The following SHROOM4 variants were observed in gnomAD, a reference collection of about 807,000 sequenced individuals.
SHROOM4 encodes protein Shroom4.
A neutral mutation model predicts 80.3 loss-of-function variants in SHROOM4; 17 were observed. The ratio of observed to expected loss-of-function variants is 0.21; its 90% CI spans 0.14 to 0.32. SHROOM4 has a LOEUF of 0.32. SHROOM4 is among the 10% of genes least tolerant of loss of function. The pLI, the probability that SHROOM4 is intolerant of heterozygous loss-of-function variation, is 1.00. For missense variants in SHROOM4, 993 were observed against 1,140.3 expected (o/e 0.87, Z 1.86); for synonymous variants, 400 against 437.5 (o/e 0.91, Z 1.07).
downstream of SHROOM4, among the ~76,000 whole-genome samples, chrX:50,581,788 CCATGCAAA>C (rs782087047): frequency 8.9e-6 from 1 of 111,990 alleles, no homozygotes; most frequent in South Asian, 3.8e-4. Context: ...ACTACTGAAA[CCATGCAAA>C]CCCCCAGGCC....
chrX:50,593,433 G>A lies in SHROOM4; in HGVS notation c.*3262C>T, dbSNP rs1557245892. On this transcript the variant is annotated 3_prime_UTR_variant, in exon 9 of 9. Transcript: ENST00000376020. ...GAGGACACAAATGCAGAAACAACAA[G>A]ATTTGGAAAAAGAATAGCTTCACAT... 1 of 111,699 alleles carries A rather than the reference G, an allele frequency of 9.0e-6. No homozygotes were observed. Among genetic ancestry groups the A allele is most frequent in the African/African-American group, 3.3e-5 (1 of 30,580 alleles). 9.2% of individuals were successfully genotyped at this position (111,699 alleles called of 1,213,427 possible).
intron 2 of SHROOM4, among the ~76,000 whole-genome samples, chrX:50,695,501 T>C (rs1337479138): frequency 8.9e-6 from 1 of 111,855 alleles, no homozygotes; most frequent in Non-Finnish European, 1.9e-5. Flanking sequence ...TAGGTAGCCC[T>C]TTGGTATATA....
At chrX:50,671,461 A>G (rs1461296995) in intron 2 of SHROOM4, among the ~76,000 whole-genome samples, 1 of 112,183 alleles carries the variant, frequency 8.9e-6, no homozygotes, top group Admixed American at 9.4e-5. Context: ...ACCTTCGTCA[A>G]TGATCTTAGC....
chrX:50,735,085 A>G (rs936562839), intron 1 of SHROOM4, among the ~76,000 whole-genome samples: 2 of 111,910 alleles, frequency 1.8e-5, no homozygotes, highest in Admixed American at 1.9e-4. Flanking sequence ...AAACTTATTT[A>G]AAAACAACAG....
At chrX:50,780,248 A>G (rs188373012) in intron 1 of SHROOM4, among the ~76,000 whole-genome samples, 1 of 111,761 alleles carries the variant, frequency 8.9e-6, no homozygotes, top group East Asian at 2.8e-4. Context: ...TGGTATACCA[A>G]GCAAAGGGTA....
chrX:50,743,802 C>G (rs1398983806), intron 1 of SHROOM4, among the ~76,000 whole-genome samples: 2 of 112,012 alleles, frequency 1.8e-5, no homozygotes, highest in African/African-American at 6.5e-5. Flanking sequence ...CAGGTGCTAG[C>G]AACACATTCT....
intron 1 of SHROOM4, among the ~76,000 whole-genome samples, chrX:50,776,697 A>AT (rs1350695765): frequency 2.0e-4 from 21 of 106,643 alleles, no homozygotes; most frequent in East Asian, 5.9e-4. Context: ...CTTTTTTTTT[A>AT]TTTTTTTTTG....
In SHROOM4 at chrX:50,593,970, G is replaced by A. The variant is rs1322966273; in HGVS notation, c.*2725C>T. The A allele has an allele frequency of 1.2e-4, 14 of 112,184 alleles. No homozygotes were observed. Among genetic ancestry groups the A allele is most frequent in the African/African-American group, 4.5e-4 (14 of 30,788 alleles). 9.2% of individuals were successfully genotyped at this position (112,184 alleles called of 1,213,427 possible). Reference sequence around the variant, plus strand: ...ATTCAATTATCCAGAGCCCTGGGAGGTGGCAGGAGGGGTTGGGGGGACATG... The same window carrying A: ...ATTCAATTATCCAGAGCCCTGGGAGATGGCAGGAGGGGTTGGGGGGACATG... On this transcript the variant is annotated 3_prime_UTR_variant, in exon 9 of 9. Coordinates refer to ENST00000376020, the MANE Select transcript of SHROOM4 (RefSeq NM_020717.5).
chrX:50,807,083 G>A (rs1397890958), intron 1 of SHROOM4, among the ~76,000 whole-genome samples: 1 of 112,027 alleles, frequency 8.9e-6, no homozygotes, highest in African/African-American at 3.2e-5. Flanking sequence ...GTGAAGACAC[G>A]TTTCCTAGAC....
intron 7 of SHROOM4, among the ~76,000 whole-genome samples, chrX:50,601,863 G>C (rs782458450): frequency 3.6e-5 from 4 of 111,262 alleles, no homozygotes; most frequent in Non-Finnish European, 7.5e-5. Context: ...ACTGCCATTG[G>C]TTAGAGGAGC....
intron 5 of SHROOM4, among the ~76,000 whole-genome samples, chrX:50,623,698 T>C (rs1311103243): frequency 2.7e-5 from 3 of 110,437 alleles, no homozygotes; most frequent in African/African-American, 9.9e-5. Context: ...ATTAAAAACA[T>C]AAATCTACAC....
At chrX:50,758,968 A>G (rs1557268623) in intron 1 of SHROOM4, among the ~76,000 whole-genome samples, 2 of 111,673 alleles carry the variant, frequency 1.8e-5, no homozygotes, top group African/African-American at 6.5e-5. Flanking sequence ...GCTCCTTTAT[A>G]CTTTTTAATT....
At chrX:50,666,171 A>C (rs1557260339) in intron 2 of SHROOM4, among the ~76,000 whole-genome samples, 3 of 111,334 alleles carry the variant, frequency 2.7e-5, no homozygotes, top group African/African-American at 9.8e-5. Context: ...TGACATGTCC[A>C]TTTGAGCCTT....
chrX:50,795,068 T>C (rs1935944518), intron 1 of SHROOM4, among the ~76,000 whole-genome samples: 1 of 69,479 alleles, frequency 1.4e-5, no homozygotes, highest in African/African-American at 6.8e-5. Context: ...ATATGATATA[T>C]ATATATGATA....
chrX:50,781,649 A>G (rs1268232590), intron 1 of SHROOM4, among the ~76,000 whole-genome samples: 1 of 111,215 alleles, frequency 9.0e-6, no homozygotes, highest in Admixed American at 9.6e-5. Flanking sequence ...AAGTCACTGT[A>G]GACTGTTTCC....
At chrX:50,761,364 T>C (rs782468608) in intron 1 of SHROOM4, among the ~76,000 whole-genome samples, 35 of 111,987 alleles carry the variant, frequency 3.1e-4, no homozygotes, top group African/African-American at 1.1e-3. Flanking sequence ...AAAGCTATGA[T>C]ACTAATTCAC....
At chrX:50,749,308 T>G (rs1233644851) in intron 1 of SHROOM4, among the ~76,000 whole-genome samples, 2 of 112,142 alleles carry the variant, frequency 1.8e-5, no homozygotes, top group Non-Finnish European at 3.8e-5. Context: ...ATCTAAAGAA[T>G]CTAACCCTAG....
intron 2 of SHROOM4, among the ~76,000 whole-genome samples, chrX:50,651,753 C>T (rs1932079690): frequency 1.9e-5 from 2 of 107,313 alleles, no homozygotes; most frequent in South Asian, 4.4e-4. Context: ...CCCCGACATG[C>T]CCCAGTGTGT....
At chrX:50,694,031 T>C (rs1933295744) in intron 2 of SHROOM4, among the ~76,000 whole-genome samples, 1 of 111,783 alleles carries the variant, frequency 8.9e-6, no homozygotes, top group African/African-American at 3.3e-5. Flanking sequence ...TGCGTTGCTG[T>C]AAATGACAGG....
Sources: gnomAD v4.1 joint callset for allele counts (sites outside exome capture counted in the v4.1 genomes callset) on GRCh38, gnomAD v4.1.1 for gene constraint, MANE v1.5 for transcripts, NCBI Gene and HGNC (gene_info 2026-07-23, HGNC 2026-07-21) for gene names.